Variants in SIPA1L1 observed in about 807,000 individuals in gnomAD.
SIPA1L1 encodes signal-induced proliferation-associated 1-like protein 1.
In SIPA1L1, 26 loss-of-function variants were observed where a neutral mutation model predicts 162.7. That is an observed-to-expected ratio of 0.16 (90% CI 0.12 to 0.22). SIPA1L1 has a LOEUF of 0.22. SIPA1L1 is among the 10% of genes least tolerant of loss of function. The pLI is 1.00. For synonymous variants in SIPA1L1, 829 were observed against 837.4 expected, an observed-to-expected ratio of 0.99 and a Z score of 0.17; for missense variants, 1,874 against 2,241.0, an observed-to-expected ratio of 0.84 and a Z score of 3.31.
chr14:71,334,807 A>G (rs566016224), intron 2 of SIPA1L1, among the ~76,000 whole-genome samples: 1 of 152,260 alleles, frequency 6.6e-6, no homozygotes, highest in South Asian at 2.1e-4. Context: ...AGGCAGGTGA[A>G]ATACATTAAG....
rs534605771 is a variant in SIPA1L1 at position 71,358,460 on chromosome 14, A to G, written c.-465+37279A>G. Among the ~76,000 whole-genome samples, 3 of 152,346 alleles carry G rather than the reference A, an allele frequency of 2.0e-5. No homozygotes were observed. In the East Asian group the frequency reaches 5.8e-4, roughly 29 times the overall value. ...GTATAGTCGGTACAAGTTAAGAATT[A>G]CTAGGAAACTTCAGTCTGGCTCACT... On this transcript the variant is annotated intron_variant, in intron 2 of 23. Transcript: ENST00000381232.
intron 2 of SIPA1L1, among the ~76,000 whole-genome samples, chr14:71,510,177 C>CTTTTTTTTTTTTTTTTTT (rs985233367): frequency 1.3e-5 from 1 of 77,468 alleles, no homozygotes; most frequent in Non-Finnish European, 2.2e-5. Flanking sequence ...TCCCCCCCAC[C>CTTTTTTTTTTTTTTTTTT]TTTTTTTTTT....
chr14:71,488,380 C>G (rs1388415961), intron 2 of SIPA1L1, among the ~76,000 whole-genome samples: 1 of 152,122 alleles, frequency 6.6e-6, no homozygotes, highest in Non-Finnish European at 1.5e-5. Flanking sequence ...TAGAATTTCA[C>G]TCTGTCCTGG....
intron 2 of SIPA1L1, among the ~76,000 whole-genome samples, chr14:71,401,129 G>A (rs1029070049): frequency 3.3e-5 from 5 of 152,148 alleles, no homozygotes; most frequent in African/African-American, 1.2e-4. Flanking sequence ...CTTCTGATTT[G>A]TTGTTTAGCT....
chr14:71,646,021 A>T (rs370183378), intron 7 of SIPA1L1, among the ~76,000 whole-genome samples: 14 of 152,310 alleles, frequency 9.2e-5, no homozygotes, highest in African/African-American at 3.1e-4. Context: ...CCATGATACC[A>T]GGGAAGATGA....
At chr14:71,546,069 C>T (rs1317571175) in intron 4 of SIPA1L1, among the ~76,000 whole-genome samples, 2 of 151,844 alleles carry the variant, frequency 1.3e-5, no homozygotes, top group South Asian at 2.1e-4. Flanking sequence ...GGAAACAGAG[C>T]GAGACCCTGT....
intron 4 of SIPA1L1, among the ~76,000 whole-genome samples, chr14:71,539,653 A>T (rs2054207740): frequency 6.6e-6 from 1 of 152,192 alleles, no homozygotes; most frequent in East Asian, 1.9e-4. Context: ...TGGATTTTGT[A>T]GCCTTTGTCG....
chr14:71,655,478 A>T (rs905745703), intron 8 of SIPA1L1, among the ~76,000 whole-genome samples: 1 of 152,180 alleles, frequency 6.6e-6, no homozygotes, highest in Non-Finnish European at 1.5e-5. Flanking sequence ...TCCTTTGAGT[A>T]GATACCCAGT....
chr14:71,583,697 T>A (rs949685519), intron 4 of SIPA1L1, among the ~76,000 whole-genome samples: 8 of 152,196 alleles, frequency 5.3e-5, no homozygotes, highest in South Asian at 4.2e-4. Context: ...TGAAAAAAAA[T>A]TTTTTTCATT....
intron 4 of SIPA1L1, among the ~76,000 whole-genome samples, chr14:71,545,404 CTTTCATTAGATATAGAT>C (rs1275170872): frequency 6.6e-6 from 1 of 152,246 alleles, no homozygotes; most frequent in East Asian, 1.9e-4. Context: ...TTTTGTACAT[CTTTCATTAGATATAGAT>C]TTTCATTAGA....
chr14:71,353,012 G>A (rs1280285490), intron 2 of SIPA1L1, among the ~76,000 whole-genome samples: 1 of 152,116 alleles, frequency 6.6e-6, no homozygotes, highest in East Asian at 1.9e-4. Flanking sequence ...TTGTGTTGTG[G>A]TTAAATGACC....
intron 2 of SIPA1L1, among the ~76,000 whole-genome samples, chr14:71,405,987 A>G (rs2042002275): frequency 6.6e-6 from 1 of 152,230 alleles, no homozygotes; most frequent in African/African-American, 2.4e-5. Flanking sequence ...GTGGAAAATG[A>G]TCATGGGCAG....
At chr14:71,386,327 C>T (rs1011348810) in intron 2 of SIPA1L1, among the ~76,000 whole-genome samples, 10 of 152,170 alleles carry the variant, frequency 6.6e-5, no homozygotes, top group African/African-American at 7.2e-5. Context: ...CTCAGCCAGT[C>T]TAGTTTCTTC....
chr14:71,551,189 G>T (rs112651995), intron 4 of SIPA1L1, among the ~76,000 whole-genome samples: 2,677 of 152,190 alleles, frequency 0.018, 32 homozygotes, highest in East Asian at 0.026. Context: ...TGGGAGGATC[G>T]TTTGATCCCA....
chr14:71,508,278 C>T (rs2050837664), intron 2 of SIPA1L1, among the ~76,000 whole-genome samples: 1 of 152,170 alleles, frequency 6.6e-6, no homozygotes, highest in African/African-American at 2.4e-5. Flanking sequence ...TATATACAGG[C>T]TCTTAATTTG....
At chr14:71,477,888 G>A (rs1467362909) in intron 2 of SIPA1L1, among the ~76,000 whole-genome samples, 2 of 152,098 alleles carry the variant, frequency 1.3e-5, no homozygotes, top group Admixed American at 1.3e-4. Context: ...TGGGATTGCT[G>A]GATTACATGG....
intron 13 of SIPA1L1, among the ~76,000 whole-genome samples, chr14:71,690,328 T>A (rs1486220943): frequency 6.6e-6 from 1 of 152,072 alleles, no homozygotes; most frequent in African/African-American, 2.4e-5. Flanking sequence ...AAACTCAAAC[T>A]CCTGGGTTCA....
intron 2 of SIPA1L1, among the ~76,000 whole-genome samples, chr14:71,450,870 A>T (rs1284332519): frequency 6.6e-6 from 1 of 152,206 alleles, no homozygotes; most frequent in Non-Finnish European, 1.5e-5. Context: ...TAAAAATAGA[A>T]CTATCATGTG....
intron 14 of SIPA1L1, among the ~76,000 whole-genome samples, chr14:71,700,866 T>C (rs886520611): frequency 2.0e-5 from 3 of 151,314 alleles, no homozygotes; most frequent in African/African-American, 4.8e-5. Context: ...TGGTGGCGGG[T>C]GCCCGCAGTC....
Sources: allele counts gnomAD v4.1 joint callset (sites outside exome capture counted in the v4.1 genomes callset), GRCh38; gene constraint gnomAD v4.1.1; transcripts MANE v1.5; gene names NCBI Gene and HGNC (gene_info 2026-07-23, HGNC 2026-07-21).